The following ACER2 variants were observed in gnomAD, a reference collection of about 807,000 sequenced individuals.
The protein encoded by ACER2 is alkaline ceramidase 2.
Under a neutral mutation model 34.7 loss-of-function variants are expected in ACER2, and 26 were observed. The ratio of observed to expected loss-of-function variants is 0.75; its 90% CI spans 0.55 to 1.04. ACER2 has a LOEUF of 1.04. Among genes scored for constraint, ACER2 ranks in the 50% least tolerant of loss-of-function variants. The pLI, the probability that ACER2 is intolerant of heterozygous loss-of-function variation, is 0.00. For missense variants in ACER2, 352 were observed against 340.8 expected (o/e 1.03, Z -0.26); for synonymous variants, 138 against 132.1 (o/e 1.04, Z -0.31).
chr9:19,415,871 C>T (rs1413426939), intron 1 of ACER2, among the ~76,000 whole-genome samples: 1 of 152,028 alleles, frequency 6.6e-6, no homozygotes, highest in Non-Finnish European at 1.5e-5. Context: ...GCCTCACTTA[C>T]AGCAAGTGAG....
intron 1 of ACER2, among the ~76,000 whole-genome samples, chr9:19,412,885 A>G (rs1381054296): frequency 6.6e-6 from 1 of 152,126 alleles, no homozygotes; most frequent in Non-Finnish European, 1.5e-5. Context: ...ATCCTTATTG[A>G]TGGACATTTC....
At chr9:19,425,926 C>T (rs1341555384) in intron 3 of ACER2, among the ~76,000 whole-genome samples, 1 of 152,182 alleles carries the variant, frequency 6.6e-6, no homozygotes, top group Non-Finnish European at 1.5e-5. Context: ...GTTTTACTGG[C>T]ACTCTGAAAA....
intron 1 of ACER2, among the ~76,000 whole-genome samples, chr9:19,421,868 A>G (rs1380883599): frequency 6.6e-6 from 1 of 152,230 alleles, no homozygotes; most frequent in Non-Finnish European, 1.5e-5. Context: ...TGAGTTTCCA[A>G]TATGACAGTC....
intron 1 of ACER2, among the ~76,000 whole-genome samples, chr9:19,421,648 A>G (rs928562270): frequency 6.6e-6 from 1 of 152,282 alleles, no homozygotes; most frequent in South Asian, 2.1e-4. Context: ...TTTTGGGGTG[A>G]TGAAAACATT....
At chr9:19,426,581 G>A (rs1186297161) in intron 3 of ACER2, among the ~76,000 whole-genome samples, 1 of 152,086 alleles carries the variant, frequency 6.6e-6, no homozygotes, top group African/African-American at 2.4e-5. Flanking sequence ...TAAACGTTTT[G>A]TGTATTTGTT....
chr9:19,434,191 C>G (rs1222620679), intron 3 of ACER2, among the ~76,000 whole-genome samples: 1 of 150,928 alleles, frequency 6.6e-6, no homozygotes, highest in Non-Finnish European at 1.5e-5. Flanking sequence ...CGGGCAGAGA[C>G]GCTCCTCACT....
chr9:19,433,307 C>T (rs999320258), intron 3 of ACER2, among the ~76,000 whole-genome samples: 6 of 151,830 alleles, frequency 4.0e-5, no homozygotes, highest in South Asian at 2.1e-4. Flanking sequence ...TGCGGCCTTC[C>T]GCAGCGTTTG....
chr9:19,443,072 C>T (rs1273280223), intron 4 of ACER2, among the ~76,000 whole-genome samples: 1 of 151,958 alleles, frequency 6.6e-6, no homozygotes, highest in Non-Finnish European at 1.5e-5. Context: ...GCTCAGTCGC[C>T]CAGGCTGGAG....
intron 4 of ACER2, among the ~76,000 whole-genome samples, chr9:19,440,239 C>T (rs2132517658): frequency 6.6e-6 from 1 of 152,338 alleles, no homozygotes; most frequent in East Asian, 1.9e-4. Context: ...CTCTCGGCAG[C>T]TCCTTTTCAG....
At chr9:19,431,026 TC>T (rs1016916769) in intron 3 of ACER2, among the ~76,000 whole-genome samples, 12 of 151,012 alleles carry the variant, frequency 7.9e-5, no homozygotes, top group African/African-American at 2.2e-4. Context: ...CATGTTTTTT[TC>T]AAGCTTACTG....
intron 3 of ACER2, among the ~76,000 whole-genome samples, chr9:19,427,429 A>C (rs140923598): frequency 6.6e-6 from 1 of 152,336 alleles, no homozygotes; most frequent in African/African-American, 2.4e-5. Flanking sequence ...GAGGGCAAGA[A>C]GGCCAAGCCC....
At chr9:19,434,764 CTTTT>C (rs36053802) in intron 3 of ACER2, among the ~76,000 whole-genome samples, 179 bp from the exon 4 acceptor site, 1 of 148,864 alleles carries the variant, frequency 6.7e-6, no homozygotes, top group Non-Finnish European at 1.5e-5. Context: ...GAGACCCTCT[CTTTT>C]TTTTTTTAAG....
intron 1 of ACER2, among the ~76,000 whole-genome samples, chr9:19,419,439 AT>A (rs1207043822): frequency 1.3e-5 from 2 of 152,246 alleles, no homozygotes; most frequent in African/African-American, 4.8e-5. Context: ...TAGCACTCCT[AT>A]GTGGGAAGGA....
intron 1 of ACER2, among the ~76,000 whole-genome samples, chr9:19,416,769 G>A (rs1830252755): frequency 6.6e-6 from 1 of 152,012 alleles, no homozygotes; most frequent in African/African-American, 2.4e-5. Context: ...CTGACTTCAG[G>A]TGATCCACCT....
intron 1 of ACER2, among the ~76,000 whole-genome samples, chr9:19,412,899 T>C (rs1830128668): frequency 6.6e-6 from 1 of 152,214 alleles, no homozygotes; most frequent in Non-Finnish European, 1.5e-5. Context: ...ACATTTCATA[T>C]AGTTTCTCTC....
intron 4 of ACER2, among the ~76,000 whole-genome samples, chr9:19,440,290 G>A (rs1831114752): frequency 6.6e-6 from 1 of 152,130 alleles, no homozygotes; most frequent in African/African-American, 2.4e-5. Flanking sequence ...AGCTTTGCAT[G>A]TAGGAATCCC....
At chr9:19,443,340 G>C (rs1831222441) in intron 4 of ACER2, among the ~76,000 whole-genome samples, 1 of 151,932 alleles carries the variant, frequency 6.6e-6, no homozygotes, top group East Asian at 2.0e-4. Flanking sequence ...CACATTTATT[G>C]TGTTTTTAGT....
At chr9:19,441,333 G>T (rs954075494) in intron 4 of ACER2, among the ~76,000 whole-genome samples, 2 of 152,156 alleles carry the variant, frequency 1.3e-5, no homozygotes, top group Non-Finnish European at 2.9e-5. Context: ...ACAGGCATGA[G>T]CCACATGCCC....
At chr9:19,433,443 A>G (rs976768036) in intron 3 of ACER2, among the ~76,000 whole-genome samples, 5 of 152,016 alleles carry the variant, frequency 3.3e-5, no homozygotes, top group Admixed American at 2.0e-4. Context: ...TGGACACAGC[A>G]CATGTTTCAG....
Sources: allele counts gnomAD v4.1 joint callset (sites outside exome capture counted in the v4.1 genomes callset), GRCh38; gene constraint gnomAD v4.1.1; transcripts MANE v1.5; gene names NCBI Gene and HGNC (gene_info 2026-07-23, HGNC 2026-07-21).